Variants in ADK observed in about 807,000 individuals in gnomAD.
ADK encodes N6,N6-dimethyladenosine kinase.
In ADK, 24 loss-of-function variants were observed where a neutral mutation model predicts 44.7. That is an observed-to-expected ratio of 0.54 (90% confidence interval 0.39 to 0.76). The LOEUF is 0.76. Among genes scored for constraint, ADK ranks in the 30% least tolerant of loss-of-function variants. ADK has a pLI of 0.00. For synonymous variants in ADK, 128 were observed against 142.6 expected (o/e 0.90, Z 0.73); for missense variants, 321 against 425.1 (o/e 0.76, Z 2.15).
chr10:74,307,524 A>G (rs761169445), intron 3 of ADK, among the ~76,000 whole-genome samples: 1 of 152,158 alleles, frequency 6.6e-6, no homozygotes, highest in Non-Finnish European at 1.5e-5. Context: ...CTTATGATTT[A>G]TATGGCCTTC....
intron 7 of ADK, among the ~76,000 whole-genome samples, chr10:74,547,343 C>T (rs947856006): frequency 5.9e-5 from 9 of 151,542 alleles, no homozygotes; most frequent in Admixed American, 5.3e-4. Flanking sequence ...TCCTTCATGC[C>T]ATTGCATTTA....
At chr10:74,674,486 T>G (rs1043779112) in intron 10 of ADK, among the ~76,000 whole-genome samples, 1 of 151,750 alleles carries the variant, frequency 6.6e-6, no homozygotes, top group Non-Finnish European at 1.5e-5. Context: ...ATACAGAAAA[T>G]TAGCTGGTCA....
At chr10:74,313,699 G>C (rs1840523823) in intron 3 of ADK, among the ~76,000 whole-genome samples, 1 of 150,848 alleles carries the variant, frequency 6.6e-6, no homozygotes, top group South Asian at 2.1e-4. Context: ...CCATATTTAT[G>C]TTTCACCTTT....
chr10:74,479,008 TA>T (rs957701959), intron 6 of ADK, among the ~76,000 whole-genome samples: 3 of 152,232 alleles, frequency 2.0e-5, no homozygotes, highest in Non-Finnish European at 4.4e-5. Flanking sequence ...TTTTAAAAAA[TA>T]TTTTTTTGAG....
intron 4 of ADK, among the ~76,000 whole-genome samples, chr10:74,391,059 A>G (rs1271348375): frequency 2.0e-5 from 3 of 152,306 alleles, no homozygotes; most frequent in Non-Finnish European, 2.9e-5. Flanking sequence ...CTATCCTACA[A>G]TACGCACAAA....
chr10:74,539,397 A>G lies in ADK; in HGVS notation c.726+13971A>G, dbSNP rs1008275137. 5.6e-4 allele frequency among the ~76,000 whole-genome samples: 85 copies of G among 152,288 alleles called. 1 individual carries two copies. Among genetic ancestry groups the G allele is most frequent in the Admixed American group, 4.7e-3 (72 of 15,300 alleles). Reference sequence around the variant, plus strand: ...ATTCAAGACTGTTACCTAGATCCGTATTCTGACAAAAGAGATGATCTTTTC... The same window carrying G: ...ATTCAAGACTGTTACCTAGATCCGTGTTCTGACAAAAGAGATGATCTTTTC... On this transcript the variant is annotated intron_variant, in intron 7 of 10. Coordinates refer to ENST00000539909, the MANE Select transcript of ADK (RefSeq NM_006721.4).
chr10:74,319,586 A>G (rs1840741893), intron 4 of ADK, among the ~76,000 whole-genome samples: 1 of 152,202 alleles, frequency 6.6e-6, no homozygotes, highest in African/African-American at 2.4e-5. Context: ...TAGGGCTTCA[A>G]CATATGCATA....
At chr10:74,429,845 T>C (rs1021799340) in intron 6 of ADK, among the ~76,000 whole-genome samples, 16 of 152,210 alleles carry the variant, frequency 1.1e-4, no homozygotes, top group African/African-American at 3.6e-4. Flanking sequence ...TACCAGATAG[T>C]GTTATACTGT....
chr10:74,547,501 G>A lies in ADK; in HGVS notation c.726+22075G>A, dbSNP rs576221078. ...ATTTTATTATTTTTTTTTTTTTTTG[G>A]AGACAGAGCCTTGCTCTGTCACCAG... On this transcript the variant is annotated intron_variant, in intron 7 of 10. Coordinates refer to ENST00000539909, the MANE Select transcript of ADK (RefSeq NM_006721.4). 8.5e-3 allele frequency among the ~76,000 whole-genome samples: 653 copies of A among 76,938 alleles called. 8 individuals carry two copies. The highest frequency in any genetic ancestry group is 0.016 in the Non-Finnish European group (563 of 35,072). The allele number at this position is 76,938 out of a possible 152,430, so 50.5% of individuals were successfully genotyped here. A position where few individuals can be genotyped will look rare whatever the true frequency, so the allele number is the denominator to read the frequency against.
In ADK at chr10:74,589,333, A is replaced by C. The variant is rs189977378; in HGVS notation, c.762+16A>C. 5 of 1,613,366 alleles carry C rather than the reference A, an allele frequency of 3.1e-6. No homozygotes were observed. The East Asian group carries it at 6.7e-5, about 22-fold the overall frequency. ...AGGCTTTGAGGTGAGTTAACCCACA[A>C]TTGCACACTAAACAGATCCTAAAGG... is the stretch of plus-strand genomic sequence containing the variant. On this transcript the variant is annotated intron_variant, in intron 8 of 10. Coordinates refer to ENST00000539909, the MANE Select transcript of ADK (RefSeq NM_006721.4).
intron 6 of ADK, among the ~76,000 whole-genome samples, chr10:74,446,148 A>T (rs1293161562): frequency 6.6e-6 from 1 of 152,046 alleles, no homozygotes; most frequent in East Asian, 1.9e-4. Context: ...TTTCATACTG[A>T]TTTAAGACTG....
At chr10:74,163,018 A>G (rs920109730) in intron 1 of ADK, among the ~76,000 whole-genome samples, 3 of 151,536 alleles carry the variant, frequency 2.0e-5, no homozygotes, top group Admixed American at 6.6e-5. Context: ...CCCAGGCTGG[A>G]GTGCAGTGGC....
chr10:74,412,915 G>T (rs2132962296), intron 6 of ADK, among the ~76,000 whole-genome samples: 1 of 152,198 alleles, frequency 6.6e-6, no homozygotes, highest in East Asian at 1.9e-4. Context: ...AAAATGAGCT[G>T]GGCATGGTGG....
chr10:74,307,331 T>C (rs1840289509), intron 3 of ADK, among the ~76,000 whole-genome samples: 1 of 152,206 alleles, frequency 6.6e-6, no homozygotes, highest in South Asian at 2.1e-4. Flanking sequence ...TAGCTGTGTG[T>C]TTTAGGTTTG....
rs1564672725 is a variant in ADK, at chr10:74,356,018, T to TGTTTG, written c.274-38123_274-38122insGTTTG. On this transcript the variant is annotated intron_variant, in intron 4 of 10. Transcript: ENST00000539909. ...AAATAATTCATTTTTTTTTTTTTTT[T>TGTTTG]TTTTTTTTTTTGAGACGGAGTCTCG... is the stretch of plus-strand genomic sequence containing the variant. Among the ~76,000 whole-genome samples the TGTTTG allele has an allele frequency of 5.9e-5, 8 of 135,214 alleles. 1 individual carries two copies. The East Asian group carries it at 1.1e-3, about 18-fold the overall frequency. 88.7% of individuals were successfully genotyped at this position (135,214 alleles called of 152,430 possible).
chr10:74,545,327 G>A (rs1849786934), intron 7 of ADK, among the ~76,000 whole-genome samples: 1 of 152,134 alleles, frequency 6.6e-6, no homozygotes, highest in Non-Finnish European at 1.5e-5. Context: ...CACGTATGGA[G>A]TTCAGGTCAG....
intron 4 of ADK, among the ~76,000 whole-genome samples, chr10:74,350,902 C>G (rs576341639): frequency 6.6e-6 from 1 of 152,252 alleles, no homozygotes; most frequent in Non-Finnish European, 1.5e-5. Context: ...CCTGAATAGA[C>G]CAATAACAAG....
chr10:74,351,161 T>C (rs947777069), intron 4 of ADK, among the ~76,000 whole-genome samples: 1 of 152,152 alleles, frequency 6.6e-6, no homozygotes, highest in African/African-American at 2.4e-5. Flanking sequence ...CTGATGAACA[T>C]CCATGTGAAA....
At chr10:74,506,098 A>C (rs1224550083) in intron 6 of ADK, 1 of 152,346 alleles carries the variant, frequency 6.6e-6, no homozygotes, top group Non-Finnish European at 1.5e-5. Flanking sequence ...AAGTTGTCAT[A>C]TAATGACTTC....
Sources: allele counts gnomAD v4.1 joint callset (sites outside exome capture counted in the v4.1 genomes callset), GRCh38; gene constraint gnomAD v4.1.1; transcripts MANE v1.5; gene names NCBI Gene and HGNC (gene_info 2026-07-23, HGNC 2026-07-21).